The following EBF4 variants were observed in gnomAD, a reference collection of about 807,000 sequenced individuals.
EBF4 encodes transcription factor COE4.
Under a neutral mutation model 67.1 loss-of-function variants are expected in EBF4, and 34 were observed. That is an observed-to-expected ratio of 0.51 (90% confidence interval 0.39 to 0.67). The LOEUF (loss-of-function observed/expected upper bound fraction) is 0.67. Ranked by LOEUF, EBF4 falls within the 30% of genes least tolerant of loss-of-function variation. The pLI is 0.00. For missense variants in EBF4, 837 were observed against 873.3 expected, an observed-to-expected ratio of 0.96 and a Z score of 0.52; for synonymous variants, 387 against 377.7, an observed-to-expected ratio of 1.02 and a Z score of -0.29.
intron 4 of EBF4, 22 bp downstream of exon 4, chr20:2,706,286 T>C: frequency 6.4e-7 from 1 of 1,551,590 alleles, no homozygotes; most frequent in Non-Finnish European, 8.7e-7. Flanking sequence ...CAGAGGGTGC[T>C]GAGGCCCATC....
At chr20:2,725,724 G>A (rs1247639083) in intron 6 of EBF4, among the ~76,000 whole-genome samples, 1 of 152,172 alleles carries the variant, frequency 6.6e-6, no homozygotes, top group African/African-American at 2.4e-5. Flanking sequence ...AACAAGGGGT[G>A]CTACCAACCT....
chr20:2,709,401 C>A (rs1264134160), intron 5 of EBF4, among the ~76,000 whole-genome samples, 173 bp from the exon 6 acceptor site: 1 of 150,124 alleles, frequency 6.7e-6, no homozygotes, highest in Non-Finnish European at 1.5e-5. Context: ...GCGGAGGAGC[C>A]CACAGCCTTT....
chr20:2,725,365 A>G (rs964128605), intron 6 of EBF4, among the ~76,000 whole-genome samples: 1 of 151,934 alleles, frequency 6.6e-6, no homozygotes, highest in South Asian at 2.1e-4. Context: ...TTTTATTTCA[A>G]TGATTCTATT....
intron 1 of EBF4, among the ~76,000 whole-genome samples, chr20:2,703,545 G>A (rs2087407272): frequency 6.6e-6 from 1 of 152,058 alleles, no homozygotes; most frequent in Non-Finnish European, 1.5e-5. Flanking sequence ...TGCACCTGTA[G>A]TCACACCTAC....
At chr20:2,759,071 G>A (rs1409772121) in intron 16 of EBF4, 87 bp downstream of exon 16, 6 of 1,284,102 alleles carry the variant, frequency 4.7e-6, no homozygotes, top group Non-Finnish European at 6.6e-6. Flanking sequence ...CTGTGCTCAA[G>A]CCTCCCCGCT....
At position 2,705,855 on chromosome 20, in the gene EBF4, A is replaced by G. The variant is rs768654917; in HGVS notation, c.295-119A>G. 1.1e-4 allele frequency: 160 copies of G among 1,469,148 alleles called. 1 individual carries two copies. The East Asian group carries it at 1.3e-3, about 12-fold the overall frequency. The allele number at this position is 1,469,148 out of a possible 1,614,324, so 91.0% of individuals were successfully genotyped here. A position where few individuals can be genotyped will look rare whatever the true frequency, so the allele number is the denominator to read the frequency against. On this transcript the variant is annotated intron_variant, in intron 2 of 16. Transcript: ENST00000609451. ...CACACACACTGGGACAGATGAATGG[A>G]TGGAAGCTGGCTGAGTGGCTGGAAG...
In EBF4 at chr20:2,693,893, C is replaced by T. The variant is rs2087248599; in HGVS notation, c.137+111C>T. Reference sequence around the variant, plus strand: ...GGGCGGAAGGAGCCCTAACTCTGGACGGTCCCGGCGAGCTCCCCGGCCCAC... The same window carrying T: ...GGGCGGAAGGAGCCCTAACTCTGGATGGTCCCGGCGAGCTCCCCGGCCCAC... On this transcript the variant is annotated intron_variant, in intron 1 of 16. Coordinates refer to ENST00000609451, the Ensembl canonical transcript of EBF4. This position sits in a 1 kb window ranked among gnomAD's most constrained non-coding sequence, Gnocchi z 4.6. The T allele has an allele frequency of 4.1e-6, 5 of 1,219,028 alleles. No homozygotes were observed. The highest frequency in any genetic ancestry group is 5.1e-6 in the Non-Finnish European group (5 of 973,734). 75.5% of individuals were successfully genotyped at this position (1,219,028 alleles called of 1,614,324 possible). A position where few individuals can be genotyped will look rare whatever the true frequency, so the allele number is the denominator to read the frequency against.
intron 1 of EBF4, among the ~76,000 whole-genome samples, chr20:2,701,393 G>A (rs1280782786): frequency 1.3e-5 from 2 of 152,188 alleles, no homozygotes; most frequent in Non-Finnish European, 2.9e-5. Context: ...CTGTGCCCTT[G>A]CTCCTGTGTA....
intron 6 of EBF4, among the ~76,000 whole-genome samples, chr20:2,731,683 C>T (rs6084148): frequency 0.38 from 58,254 of 152,132 alleles, 13,918 homozygotes; most frequent in African/African-American, 0.68. Context: ...CTTCTTCCTA[C>T]GAACAAACCA....
intron 2 of EBF4, 90 bp downstream of exon 2, chr20:2,705,823 A>ACG (rs1465302777): frequency 7.1e-7 from 1 of 1,416,130 alleles, no homozygotes; most frequent in Non-Finnish European, 9.5e-7. Context: ...ACACACACAC[A>ACG]CACACACACA....
intron 2 of EBF4, 32 bp from the exon 3 acceptor site, chr20:2,705,942 C>A: frequency 1.3e-6 from 2 of 1,545,138 alleles, no homozygotes; most frequent in Non-Finnish European, 1.7e-6. Context: ...GATCCCTGAG[C>A]ACCCGAGCAT....
intron 6 of EBF4, among the ~76,000 whole-genome samples, chr20:2,710,561 A>G (rs948925398): frequency 8.1e-6 from 1 of 123,572 alleles, no homozygotes; most frequent in African/African-American, 3.9e-5. Flanking sequence ...CATACTGTAC[A>G]TGTTTTTTTT....
chr20:2,747,506 C>G lies in EBF4; in HGVS notation c.558-1043C>G, dbSNP rs2088069542. 6.6e-6 allele frequency among the ~76,000 whole-genome samples: 1 copy of G among 152,036 alleles called. No homozygotes were observed. Among genetic ancestry groups the G allele is most frequent in the Non-Finnish European group, 1.5e-5 (1 of 68,000 alleles). On this transcript the variant is annotated intron_variant, in intron 6 of 16. Transcript: ENST00000609451. The surrounding 1 kb of genome is among the most constrained non-coding windows in gnomAD (Gnocchi z 4.6). ...CGCATATGTGTTTTTTTCCCAATAA[C>G]TCTATGTAAAAAAGAAGACATTCAC...
intron 6 of EBF4, among the ~76,000 whole-genome samples, chr20:2,734,490 A>T (rs1450961940): frequency 6.6e-6 from 1 of 152,196 alleles, no homozygotes; most frequent in Non-Finnish European, 1.5e-5. Context: ...TGGCTGCTTT[A>T]TTACAATGTA....
At position 2,751,979 on chromosome 20, in the gene EBF4, A is replaced by C; in HGVS notation, c.1165A>C (p.Ser389Arg). The C allele has an allele frequency of 6.5e-7, 1 of 1,548,214 alleles. No individual in the cohort carries two copies. Residue 389 changes from serine to arginine, a missense_variant, in exon 12 of 17, where the codon AGT becomes CGT. Coordinates refer to ENST00000609451, the Ensembl canonical transcript of EBF4. The surrounding 1 kb of genome is among the most constrained non-coding windows in gnomAD (Gnocchi z 5.2). Reference sequence around the variant, plus strand: ...AGAAGCCCTGTACGGAGTGCCCGGCAGTAACCAGGTATGGCGCCTCCGCCC... The same window carrying C: ...AGAAGCCCTGTACGGAGTGCCCGGCCGTAACCAGGTATGGCGCCTCCGCCC...
chr20:2,720,600 T>C (rs1231565400), intron 6 of EBF4, among the ~76,000 whole-genome samples: 1 of 152,252 alleles, frequency 6.6e-6, no homozygotes, highest in East Asian at 1.9e-4. Context: ...CTTCTTGTAT[T>C]GTATGCTATT....
At chr20:2,752,139 C>G (rs1202349846) in exon 13 of EBF4, 1 of 1,450,274 alleles carries the variant, frequency 6.9e-7, no homozygotes, top group East Asian at 3.0e-5. Context: ...ACAGCACCCC[C>G]CGCGCACCCG....
At position 2,751,947 on chromosome 20, in the gene EBF4, A is replaced by C; in HGVS notation, c.1133A>C (p.Asp378Ala). ...GAAGTGCTGCTGAAGCGGGCGGCCG[A>C]CTTGGCAGAAGCCCTGTACGGAGTG... The change falls in exon 12 of 17, where the codon GAC becomes GCC. Residue 378 changes from aspartate to alanine, a missense_variant. Asp to Ala is a moderately radical substitution (Grantham distance 126). Coordinates refer to ENST00000609451, the Ensembl canonical transcript of EBF4. The surrounding 1 kb of genome is among the most constrained non-coding windows in gnomAD (Gnocchi z 5.2). 2 of 1,549,072 alleles carry C rather than the reference A, an allele frequency of 1.3e-6. No individual in the cohort carries two copies. The highest frequency in any genetic ancestry group is 1.4e-5 in the African/African-American group (1 of 73,104).
chr20:2,706,412 C>T lies in EBF4; in HGVS notation c.414+148C>T, dbSNP rs73578073. 8.2e-4 allele frequency: 750 copies of T among 913,798 alleles called. 5 individuals carry two copies. In the African/African-American group the frequency reaches 0.011, roughly 13 times the overall value. The allele number at this position is 913,798 out of a possible 1,614,324, so 56.6% of individuals were successfully genotyped here. ...CTAGCTCCCCCAGTTCCCACCCCAG[C>T]CTGTGCCGGAGGGTGTGTGGCTTTT... On this transcript the variant is annotated intron_variant, in intron 4 of 16. Transcript: ENST00000609451.
Sources: gnomAD v4.1 joint callset for allele counts (sites outside exome capture counted in the v4.1 genomes callset) on GRCh38, gnomAD v4.1.1 for gene constraint, Gnocchi (gnomAD v3.1) non-coding constraint, MANE v1.5 for transcripts, NCBI Gene and HGNC (gene_info 2026-07-23, HGNC 2026-07-21) for gene names.